The following NAP1L4 variants were observed in gnomAD, a reference collection of about 807,000 sequenced individuals.
NAP1L4 encodes the protein nucleosome assembly protein 1-like 4.
Under a neutral mutation model 58.2 loss-of-function variants are expected in NAP1L4, and 15 were observed. The ratio of observed to expected loss-of-function variants is 0.26; its 90% CI spans 0.17 to 0.40. NAP1L4 has a LOEUF of 0.40. Ranked by LOEUF, NAP1L4 falls within the 10% of genes least tolerant of loss-of-function variation. The pLI, the probability that NAP1L4 is intolerant of heterozygous loss-of-function variation, is 1.00. For missense variants in NAP1L4, 384 were observed against 451.1 expected, an observed-to-expected ratio of 0.85 and a Z score of 1.35; for synonymous variants, 171 against 155.6, an observed-to-expected ratio of 1.10 and a Z score of -0.74.
rs756675289 is a variant in NAP1L4, at chr11:2,969,768, C to A, written c.534+35G>T. The A allele has an allele frequency of 1.9e-6, 3 of 1,581,340 alleles. No individual in the cohort carries two copies. The Admixed American group carries it at 5.4e-5, about 29-fold the overall frequency. On this transcript the variant is annotated intron_variant, in intron 7 of 15. Transcript: ENST00000380542. ...TAGATAAGTAATGTTAGAAGACTAG[C>A]ACATAATCTCTCTACAAGACAGAAG...
intron 12 of NAP1L4, among the ~76,000 whole-genome samples, chr11:2,953,637 T>C (rs1015548715): frequency 6.6e-6 from 1 of 152,210 alleles, no homozygotes; most frequent in African/African-American, 2.4e-5. Flanking sequence ...AGAAGTTAAA[T>C]GAACAGTCTA....
Position 2,946,259 on chromosome 11 carries a change from C to T in NAP1L4, c.*33-613G>A, listed in dbSNP as rs910739392. On this transcript the variant is annotated intron_variant, in intron 15 of 15. Transcript: ENST00000380542. The surrounding 1 kb of genome is among the most constrained non-coding windows in gnomAD (Gnocchi z 4.8). ...AAGAGCTCCATCTGTCACTCACTCT[C>T]CTTCACTCTCCTAACAGTCTCACCA... Among the ~76,000 whole-genome samples, 11 of 152,200 alleles carry T rather than the reference C, an allele frequency of 7.2e-5. No individual in the cohort carries two copies. Among genetic ancestry groups the T allele is most frequent in the Non-Finnish European group, 1.6e-4 (11 of 68,034 alleles).
In NAP1L4 at chr11:2,963,209, G is replaced by A. The variant is rs907044181; in HGVS notation, c.606+1471C>T. Among the ~76,000 whole-genome samples the A allele has an allele frequency of 2.0e-5, 3 of 151,802 alleles. No individual in the cohort carries two copies. The East Asian group carries it at 5.8e-4, about 29-fold the overall frequency. On this transcript the variant is annotated intron_variant, in intron 8 of 15. Coordinates refer to ENST00000380542, the MANE Select transcript of NAP1L4 (RefSeq NM_005969.4). ...AAGGGAAAAAAAGTTAATTGCGTCT[G>A]GATGAATCACAGGTAAGAAAGAAGT...
rs1845971886 is a variant in NAP1L4 at position 2,946,965 on chromosome 11, ACTCGCCTAGAAAATGGGATGT to A, written c.*33-1340_*33-1320del. 6.6e-6 allele frequency among the ~76,000 whole-genome samples: 1 copy of A among 152,128 alleles called. No homozygotes were observed. The highest frequency in any genetic ancestry group is 2.4e-5 in the African/African-American group (1 of 41,410). On this transcript the variant is annotated intron_variant, in intron 15 of 15. Transcript: ENST00000380542. The surrounding 1 kb of genome is among the most constrained non-coding windows in gnomAD (Gnocchi z 4.8). ...ACAAGCAGTGTGCCTCCACCAAGGG[ACTCGCCTAGAAAATGGGATGT>A]CAGTAAAGGAGCTGTGCAGGGACGG...
At position 2,954,435 on chromosome 11, in the gene NAP1L4, G is replaced by A; in HGVS notation, c.1035+92C>T. The A allele has an allele frequency of 6.4e-7, 1 of 1,563,784 alleles. No individual in the cohort carries two copies. The highest frequency in any genetic ancestry group is 8.8e-7 in the Non-Finnish European group (1 of 1,135,964). On this transcript the variant is annotated intron_variant, in intron 12 of 15. Coordinates refer to ENST00000380542, the MANE Select transcript of NAP1L4 (RefSeq NM_005969.4). This position sits in a 1 kb window ranked among gnomAD's most constrained non-coding sequence, Gnocchi z 4.8. ...GCTGATGATGTAATAAAAAGATTAG[G>A]CATGGGGGTTTCCTAAGCCACAATT... is the stretch of plus-strand genomic sequence containing the variant.
At chr11:2,984,230 G>A (rs1338391944) in intron 1 of NAP1L4, among the ~76,000 whole-genome samples, 1 of 145,608 alleles carries the variant, frequency 6.9e-6, no homozygotes, top group Non-Finnish European at 1.5e-5. Flanking sequence ...TCACCACCAC[G>A]ACCACAGCAG....
intron 1 of NAP1L4, among the ~76,000 whole-genome samples, chr11:2,984,440 G>A (rs4758620): frequency 0.3 from 45,181 of 151,826 alleles, 7,955 homozygotes; most frequent in East Asian, 0.68. Context: ...GCATGGTGGC[G>A]CATGCCTGTA....
At position 2,955,283 on chromosome 11, in the gene NAP1L4, T is replaced by TC. The variant is rs1441094908; in HGVS notation, c.915+460dup. ...GCAATCTCAGCTCACTGCAACCTCCTCCTCTCGGGTTCAAGTGATTCTCCT... is the reference window on the plus strand; with the variant it reads ...GCAATCTCAGCTCACTGCAACCTCCTCCCTCTCGGGTTCAAGTGATTCTCCT... On this transcript the variant is annotated intron_variant, in intron 11 of 15. Coordinates refer to ENST00000380542, the MANE Select transcript of NAP1L4 (RefSeq NM_005969.4). This position sits in a 1 kb window ranked among gnomAD's most constrained non-coding sequence, Gnocchi z 4.2. Among the ~76,000 whole-genome samples the TC allele has an allele frequency of 6.6e-6, 1 of 151,870 alleles. No homozygotes were observed. Among genetic ancestry groups the TC allele is most frequent in the Non-Finnish European group, 1.5e-5 (1 of 67,982 alleles).
At chr11:2,965,782 G>A (rs1290983850) in intron 7 of NAP1L4, among the ~76,000 whole-genome samples, 1 of 152,066 alleles carries the variant, frequency 6.6e-6, no homozygotes, top group Non-Finnish European at 1.5e-5. Flanking sequence ...CACCCACCTC[G>A]GCCTCCCAAA....
At position 2,952,003 on chromosome 11, in the gene NAP1L4, T is replaced by C. The variant is rs565019295; in HGVS notation, c.1036-194A>G. 3.6e-5 allele frequency: 23 copies of C among 635,712 alleles called. No individual in the cohort carries two copies. In the East Asian group the frequency reaches 3.8e-4, roughly 11 times the overall value. The allele number at this position is 635,712 out of a possible 1,614,324, so 39.4% of individuals were successfully genotyped here. A position where few individuals can be genotyped will look rare whatever the true frequency, so the allele number is the denominator to read the frequency against. ...CGCATTTTAAAAGCATGCCAGGAAA[T>C]TGAAAGTCACGCAAAACAAGGAATA... On this transcript the variant is annotated intron_variant, in intron 12 of 15. Coordinates refer to ENST00000380542, the MANE Select transcript of NAP1L4 (RefSeq NM_005969.4).
intron 1 of NAP1L4, among the ~76,000 whole-genome samples, chr11:2,984,814 T>C (rs960740675): frequency 6.6e-6 from 1 of 152,224 alleles, no homozygotes; most frequent in African/African-American, 2.4e-5. Context: ...GCCAGGTCTC[T>C]TTTCACTTTT....
Position 2,948,204 on chromosome 11 carries a change from G to A in NAP1L4, c.*32+1023C>T, listed in dbSNP as rs757882936. Among the ~76,000 whole-genome samples, 1 of 152,146 alleles carries A rather than the reference G, an allele frequency of 6.6e-6. No homozygotes were observed. Among genetic ancestry groups the A allele is most frequent in the Non-Finnish European group, 1.5e-5 (1 of 68,020 alleles). On this transcript the variant is annotated intron_variant, in intron 15 of 15. Coordinates refer to ENST00000380542, the MANE Select transcript of NAP1L4 (RefSeq NM_005969.4). The surrounding 1 kb of genome is among the most constrained non-coding windows in gnomAD (Gnocchi z 5.1). The stretch of plus-strand genomic sequence containing the variant: ...AAACCTGGCCCTGGAAAACAAAATC[G>A]TTCCAAGAGCTGCATCCGCCCTATG...
intron 4 of NAP1L4, among the ~76,000 whole-genome samples, chr11:2,975,511 A>G (rs1334760495): frequency 6.6e-6 from 1 of 152,072 alleles, no homozygotes; most frequent in East Asian, 1.9e-4. Context: ...CGGGAGAACC[A>G]ATTGAGGCCA....
intron 1 of NAP1L4, among the ~76,000 whole-genome samples, chr11:2,986,021 T>C (rs537325513): frequency 3.3e-5 from 5 of 152,370 alleles, no homozygotes; most frequent in South Asian, 2.1e-4. Flanking sequence ...TAACAAAATA[T>C]AACCTTAAAT....
intron 4 of NAP1L4, among the ~76,000 whole-genome samples, chr11:2,975,177 G>C (rs576603180): frequency 6.7e-6 from 1 of 149,534 alleles, no homozygotes; most frequent in South Asian, 2.1e-4. Context: ...AAATTGCCAT[G>C]CATGGTGGTG....
chr11:2,945,529 G>C lies in NAP1L4; in HGVS notation c.*150C>G. 1.6e-6 allele frequency: 2 copies of C among 1,257,998 alleles called. No homozygotes were observed. Among genetic ancestry groups the C allele is most frequent in the South Asian group, 1.3e-5 (1 of 76,710 alleles). 77.9% of individuals were successfully genotyped at this position (1,257,998 alleles called of 1,614,324 possible). On this transcript the variant is annotated 3_prime_UTR_variant, in exon 16 of 16. Transcript: ENST00000380542. ...TGGAGTAAGCTCTGTCCACGGGATT[G>C]TGCTGCGGCAAGGACCGAGGCCCCG... is the stretch of plus-strand genomic sequence containing the variant.
At chr11:2,976,955 G>A (rs1054519495) in intron 3 of NAP1L4, among the ~76,000 whole-genome samples, 2 of 149,418 alleles carry the variant, frequency 1.3e-5, no homozygotes, top group African/African-American at 2.5e-5. Flanking sequence ...ACATACCCGA[G>A]TATTCTCCCA....
chr11:2,986,451 C>T (rs1161696115), intron 1 of NAP1L4, among the ~76,000 whole-genome samples: 1 of 151,672 alleles, frequency 6.6e-6, no homozygotes, highest in East Asian at 1.9e-4. Context: ...TGTAGTCGTA[C>T]TCCCCAAAAC....
In NAP1L4 at chr11:2,945,443, C is replaced by T. The variant is rs1845890065; in HGVS notation, c.*236G>A. 3.0e-6 allele frequency: 2 copies of T among 665,756 alleles called. No homozygotes were observed. The highest frequency in any genetic ancestry group is 2.5e-6 in the Non-Finnish European group (1 of 398,812). 41.2% of individuals were successfully genotyped at this position (665,756 alleles called of 1,614,324 possible). A position where few individuals can be genotyped will look rare whatever the true frequency, so the allele number is the denominator to read the frequency against. The stretch of plus-strand genomic sequence containing the variant: ...TTCAGTTGCCACTGTACAAGTTAAG[C>T]AAAATAATAAGGAAAAAGGAAAAGT... On this transcript the variant is annotated 3_prime_UTR_variant, in exon 16 of 16. Coordinates refer to ENST00000380542, the MANE Select transcript of NAP1L4 (RefSeq NM_005969.4).
Sources: allele counts gnomAD v4.1 joint callset (sites outside exome capture counted in the v4.1 genomes callset), GRCh38; gene constraint gnomAD v4.1.1; non-coding constraint Gnocchi (gnomAD v3.1); transcripts MANE v1.5; gene names NCBI Gene and HGNC (gene_info 2026-07-23, HGNC 2026-07-21).